CEP83: variants seen among roughly 807,000 people sequenced by gnomAD.
The protein encoded by CEP83 is centrosomal protein 83, also known as centrosomal protein of 83 kDa.
CEP83 carries 70 observed loss-of-function variants against 101.9 expected under a neutral mutation model. That is an observed-to-expected ratio of 0.69 (90% confidence interval 0.57 to 0.84). The LOEUF (loss-of-function observed/expected upper bound fraction) is 0.84, where lower values mean the gene tolerates loss of function less well. Among genes scored for constraint, CEP83 ranks in the 40% least tolerant of loss-of-function variants. The pLI is 0.00. For synonymous variants in CEP83, 264 were observed against 267.9 expected (o/e 0.99, Z 0.14); for missense variants, 715 against 787.2 (o/e 0.91, Z 1.10).
chr12:94,372,080 T>G (rs1482250094), intron 8 of CEP83, among the ~76,000 whole-genome samples: 1 of 152,160 alleles, frequency 6.6e-6, no homozygotes, highest in African/African-American at 2.4e-5. Context: ...TTCAAGCAAA[T>G]TCTCTGCCTC....
chr12:94,293,405 T>A, the CEP83 span, among the ~76,000 whole-genome samples: 1 of 152,128 alleles, frequency 6.6e-6, no homozygotes, highest in Non-Finnish European at 1.5e-5. Flanking sequence ...CTTAATAGAG[T>A]AGTGTCATAG....
chr12:94,313,490 G>C (rs912280810), intron 14 of CEP83, among the ~76,000 whole-genome samples: 29 of 141,282 alleles, frequency 2.1e-4, no homozygotes, highest in Non-Finnish European at 3.8e-4. Flanking sequence ...AGCTATGACT[G>C]TGCCACTCCA....
intron 1 of CEP83, among the ~76,000 whole-genome samples, chr12:94,449,661 C>T (rs2067088456): frequency 6.6e-6 from 1 of 150,396 alleles, no homozygotes; most frequent in Admixed American, 6.6e-5. Context: ...TAGCCCCAGC[C>T]ACTTGGGAGG....
the CEP83 span, among the ~76,000 whole-genome samples, chr12:94,268,655 C>T: frequency 1.7e-3 from 220 of 133,210 alleles, 1 homozygote; most frequent in African/African-American, 5.9e-3. Flanking sequence ...AGTGCAGTGG[C>T]GCAGTCTTGG....
intron 6 of CEP83, among the ~76,000 whole-genome samples, chr12:94,391,835 C>T (rs1202868697): frequency 6.6e-6 from 1 of 151,872 alleles, no homozygotes; most frequent in Non-Finnish European, 1.5e-5. Flanking sequence ...GGGTTGAAAT[C>T]CTAGTCTCTG....
the CEP83 span, chr12:94,300,972 A>G: frequency 6.2e-7 from 1 of 1,613,820 alleles, no homozygotes; most frequent in Non-Finnish European, 8.5e-7. Context: ...GACATTAAGA[A>G]GACACCACAT....
intron 1 of CEP83, among the ~76,000 whole-genome samples, chr12:94,439,793 CA>C (rs756337147): frequency 3.9e-5 from 6 of 152,030 alleles, no homozygotes; most frequent in Non-Finnish European, 7.4e-5. Context: ...AAATCCTCAA[CA>C]AAATACTAGC....
intron 1 of CEP83, among the ~76,000 whole-genome samples, chr12:94,446,932 C>A (rs1167367522): frequency 6.6e-6 from 1 of 152,012 alleles, no homozygotes; most frequent in Non-Finnish European, 1.5e-5. Context: ...AAGAGGAAAT[C>A]TTTAAAAAGG....
the CEP83 span, among the ~76,000 whole-genome samples, chr12:94,272,601 T>C: frequency 6.6e-6 from 1 of 152,172 alleles, no homozygotes; most frequent in Non-Finnish European, 1.5e-5. Context: ...CTACTCTCCC[T>C]TTTGTTCGGA....
Position 94,308,570 on chromosome 12 carries a change from T to C in CEP83, c.*243A>G, listed in dbSNP as rs1734737331. ...GACTCTAACTAGTTCCTTTTTGTTT[T>C]ACATTCTCAAACCATTGTCAAATAT... On this transcript the variant is annotated 3_prime_UTR_variant, in exon 17 of 17. Transcript: ENST00000397809. The C allele has an allele frequency of 3.4e-6, 1 of 291,238 alleles. No individual in the cohort carries two copies. Among genetic ancestry groups the C allele is most frequent in the African/African-American group, 2.2e-5 (1 of 45,408 alleles). 18.0% of individuals were successfully genotyped at this position (291,238 alleles called of 1,614,324 possible). A position where few individuals can be genotyped will look rare whatever the true frequency, so the allele number is the denominator to read the frequency against.
chr12:94,276,379 GGTGTGGGGAATTTAGCTTA>G, the CEP83 span, among the ~76,000 whole-genome samples: 1 of 151,968 alleles, frequency 6.6e-6, no homozygotes, highest in East Asian at 1.9e-4. Flanking sequence ...CCCTCCCACT[GGTGTGGGGAATTTAGCTTA>G]GGACATTGCT....
At chr12:94,301,182 G>A in the CEP83 span, 2 of 622,840 alleles carry the variant, frequency 3.2e-6, no homozygotes, top group Non-Finnish European at 5.1e-6. Context: ...GATAGCAAGG[G>A]CCACTGTCAA....
At chr12:94,410,769 G>A (rs900134755) in intron 4 of CEP83, among the ~76,000 whole-genome samples, 3 of 152,024 alleles carry the variant, frequency 2.0e-5, no homozygotes, top group Admixed American at 2.0e-4. Context: ...GTTTATATTT[G>A]TATATTTAAA....
chr12:94,406,634 G>A (rs2063551859), intron 4 of CEP83, among the ~76,000 whole-genome samples: 1 of 152,092 alleles, frequency 6.6e-6, no homozygotes, highest in Non-Finnish European at 1.5e-5. Context: ...GAGATAAAAA[G>A]ACCAAGGCCG....
chr12:94,358,330 G>C (rs1260269541), intron 11 of CEP83, among the ~76,000 whole-genome samples: 1 of 152,122 alleles, frequency 6.6e-6, no homozygotes, highest in Non-Finnish European at 1.5e-5. Context: ...AATGAGGTAT[G>C]TCCCTGGTAC....
intron 11 of CEP83, among the ~76,000 whole-genome samples, chr12:94,346,797 TG>T (rs2059953351): frequency 1.3e-5 from 2 of 152,188 alleles, no homozygotes; most frequent in Admixed American, 6.5e-5. Context: ...TTCTGTGTTG[TG>T]GTGTGAAAAC....
intron 8 of CEP83, among the ~76,000 whole-genome samples, chr12:94,372,414 CAGAT>C (rs1018672630): frequency 2.6e-5 from 4 of 152,034 alleles, no homozygotes; most frequent in African/African-American, 7.3e-5. Context: ...ATTTCATGGA[CAGAT>C]AGAATTTAAA....
chr12:94,438,232 A>G (rs1230707721), intron 1 of CEP83, among the ~76,000 whole-genome samples: 2 of 151,876 alleles, frequency 1.3e-5, no homozygotes, highest in African/African-American at 2.4e-5. Context: ...AAAAAAAGAA[A>G]AAAAAAAAAG....
intron 4 of CEP83, among the ~76,000 whole-genome samples, chr12:94,409,393 G>A (rs980359715): frequency 6.6e-6 from 1 of 151,820 alleles, no homozygotes; most frequent in Non-Finnish European, 1.5e-5. Context: ...TTCACATGGA[G>A]GAACATCCAA....
Sources: allele counts gnomAD v4.1 joint callset (sites outside exome capture counted in the v4.1 genomes callset), GRCh38; gene constraint gnomAD v4.1.1; transcripts MANE v1.5; gene names NCBI Gene and HGNC (gene_info 2026-07-23, HGNC 2026-07-21).